Variants in INO80 observed in about 807,000 individuals in gnomAD.
INO80 encodes INO80 complex ATPase subunit.
Under a neutral mutation model 203.4 loss-of-function variants are expected in INO80, and 20 were observed. The ratio of observed to expected loss-of-function variants is 0.10; its 90% confidence interval spans 0.07 to 0.14. The LOEUF is 0.14. Ranked by LOEUF, INO80 falls within the 10% of genes least tolerant of loss-of-function variation. The probability of loss-of-function intolerance (pLI) is 1.00; values close to 1 mark genes in which losing one functional copy is unlikely to be tolerated. For synonymous variants in INO80, 726 were observed against 685.2 expected, an observed-to-expected ratio of 1.06 and a Z score of -0.93; for missense variants, 1,419 against 1,914.4, an observed-to-expected ratio of 0.74 and a Z score of 4.83.
chr15:41,053,249 G>A (rs1270079270), intron 19 of INO80, among the ~76,000 whole-genome samples: 1 of 152,132 alleles, frequency 6.6e-6, no homozygotes, highest in Non-Finnish European at 1.5e-5. Context: ...GGGACTACAG[G>A]CGCCTGCTGC....
chr15:41,077,490 G>C (rs1158914167), intron 9 of INO80, among the ~76,000 whole-genome samples: 1 of 152,062 alleles, frequency 6.6e-6, no homozygotes. Flanking sequence ...ACTTGAGAAA[G>C]AGAGTGAGAG....
At chr15:41,086,461 G>A (rs1010590071) in intron 6 of INO80, among the ~76,000 whole-genome samples, 16 of 152,032 alleles carry the variant, frequency 1.1e-4, no homozygotes, top group African/African-American at 3.9e-4. Context: ...GACCAGCCTG[G>A]CCAACATGGT....
At chr15:41,099,072 G>A (rs185734974) in intron 1 of INO80, among the ~76,000 whole-genome samples, 63 of 150,876 alleles carry the variant, frequency 4.2e-4, no homozygotes, top group South Asian at 1.0e-3. Context: ...TAGCAGGACC[G>A]TGTCCCTACA....
At chr15:41,045,563 C>T (rs572262830) in intron 23 of INO80, among the ~76,000 whole-genome samples, 1 of 127,170 alleles carries the variant, frequency 7.9e-6, no homozygotes, top group Non-Finnish European at 1.6e-5. Flanking sequence ...GCCTGGGCGA[C>T]AGAGCGAGAC....
intron 27 of INO80, among the ~76,000 whole-genome samples, chr15:41,014,773 C>A (rs2044179300): frequency 1.3e-5 from 2 of 152,190 alleles, no homozygotes; most frequent in Admixed American, 6.5e-5. Flanking sequence ...CAGATAAATT[C>A]ATTGCAAAAT....
At chr15:41,091,862 C>T (rs560906977) in intron 5 of INO80, among the ~76,000 whole-genome samples, 165 bp downstream of exon 5, 14 of 151,776 alleles carry the variant, frequency 9.2e-5, no homozygotes, top group Admixed American at 7.2e-4. Flanking sequence ...CCATGTTGGC[C>T]GGGATGGTTT....
Position 41,032,028 on chromosome 15 carries a change from C to G in INO80, c.2908-4292G>C, listed in dbSNP as rs28503690. Reference sequence around the variant, plus strand: ...CACAGCACAGCACAGCACAGCACAGCACAGCACAGCACAGCACAGCACAGC... The same window carrying G: ...CACAGCACAGCACAGCACAGCACAGGACAGCACAGCACAGCACAGCACAGC... On this transcript the variant is annotated intron_variant, in intron 24 of 35. Transcript: ENST00000648947. Among the ~76,000 whole-genome samples, 267 of 78,956 alleles carry G rather than the reference C, an allele frequency of 3.4e-3. 2 individuals are homozygous for G. The highest frequency in any genetic ancestry group is 0.012 in the Middle Eastern group (2 of 168). The allele number at this position is 78,956 out of a possible 152,430, so 51.8% of individuals were successfully genotyped here. A position where few individuals can be genotyped will look rare whatever the true frequency, so the allele number is the denominator to read the frequency against.
At chr15:40,984,114 A>G in intron 33 of INO80, 83 bp downstream of exon 33, 1 of 1,479,092 alleles carries the variant, frequency 6.8e-7, no homozygotes, top group Admixed American at 2.0e-5. Context: ...CAGGAGAAGC[A>G]AAGACTGCCC....
chr15:41,088,818 C>A (rs1482994538), intron 5 of INO80, among the ~76,000 whole-genome samples: 1 of 152,118 alleles, frequency 6.6e-6, no homozygotes. Flanking sequence ...AATTAGCATG[C>A]ACTGAGCTGT....
intron 23 of INO80, among the ~76,000 whole-genome samples, chr15:41,046,257 T>TATATA (rs2044765585): frequency 1.7e-5 from 2 of 116,224 alleles, no homozygotes; most frequent in African/African-American, 3.8e-5. Context: ...ATATATATAT[T>TATATA]CTTGTTCTGT....
chr15:40,996,480 C>T (rs116416784), intron 29 of INO80, among the ~76,000 whole-genome samples: 3,346 of 151,706 alleles, frequency 0.022, 123 homozygotes, highest in African/African-American at 0.078. Flanking sequence ...TGTCACCACG[C>T]CCGGCTATTT....
At chr15:40,986,834 C>T (rs956783244) in intron 31 of INO80, among the ~76,000 whole-genome samples, 5 of 152,120 alleles carry the variant, frequency 3.3e-5, no homozygotes, top group African/African-American at 1.2e-4. Context: ...ACAATGTTGG[C>T]CAGGCTGGTC....
At chr15:41,004,808 T>A (rs1369630689) in intron 28 of INO80, 1 of 152,118 alleles carries the variant, frequency 6.6e-6, no homozygotes, top group African/African-American at 2.4e-5. Context: ...TGCTACTATG[T>A]TAAAAGGAAA....
intron 24 of INO80, among the ~76,000 whole-genome samples, chr15:41,042,843 A>C (rs1360327015): frequency 6.6e-6 from 1 of 152,202 alleles, no homozygotes; most frequent in African/African-American, 2.4e-5. Context: ...GTATTTCAAT[A>C]TACATACATA....
At chr15:41,048,820 C>T (rs1280283741) in intron 21 of INO80, among the ~76,000 whole-genome samples, 3 of 152,176 alleles carry the variant, frequency 2.0e-5, no homozygotes, top group Non-Finnish European at 2.9e-5. Context: ...ATGGACCACA[C>T]ATCTATTTTC....
chr15:40,998,016 CTTTTT>C (rs10572892), intron 28 of INO80, among the ~76,000 whole-genome samples: 5 of 75,176 alleles, frequency 6.7e-5, no homozygotes, highest in Non-Finnish European at 7.4e-5. Context: ...CCAAAACACT[CTTTTT>C]TTTTTTTTTT....
chr15:40,983,232 A>G, intron 34 of INO80, 155 bp from the exon 35 acceptor site: 1 of 606,196 alleles, frequency 1.6e-6, no homozygotes, highest in Non-Finnish European at 2.9e-6. Flanking sequence ...TGATGGCTAG[A>G]CCACTGAGTC....
chr15:41,095,546 T>G, intron 4 of INO80, 55 bp downstream of exon 4: 1 of 1,217,334 alleles, frequency 8.2e-7, no homozygotes, highest in East Asian at 2.3e-5. Flanking sequence ...CTTTCCCATC[T>G]ATTAGTAACT....
intron 29 of INO80, among the ~76,000 whole-genome samples, chr15:40,995,737 C>T (rs1049103583): frequency 1.3e-5 from 2 of 152,036 alleles, no homozygotes; most frequent in African/African-American, 4.8e-5. Context: ...TTAAAAGATA[C>T]AGAGAGCAGG....
Sources: gnomAD v4.1 joint callset for allele counts (sites outside exome capture counted in the v4.1 genomes callset) on GRCh38, gnomAD v4.1.1 for gene constraint, MANE v1.5 for transcripts, NCBI Gene and HGNC (gene_info 2026-07-23, HGNC 2026-07-21) for gene names.